CXCR5: variants seen among roughly 807,000 people sequenced by gnomAD.
CXCR5 encodes the protein C-X-C chemokine receptor type 5.
In CXCR5, 3 loss-of-function variants were observed where a neutral mutation model predicts 5.6. The observed-to-expected ratio is 0.54, with a 90% CI of 0.24 to 1.39. The LOEUF is 1.39. Ranked by LOEUF, CXCR5 falls within the 40% of genes most tolerant of loss-of-function variation. The pLI, the probability that CXCR5 is intolerant of heterozygous loss-of-function variation, is 0.16. For missense variants in CXCR5, 333 were observed against 494.6 expected (o/e 0.67, Z 3.10); for synonymous variants, 218 against 219.9 (o/e 0.99, Z 0.08).
chr11:118,884,146 A>T (rs1939673037), intron 1 of CXCR5, among the ~76,000 whole-genome samples, 154 bp downstream of exon 1: 1 of 152,042 alleles, frequency 6.6e-6, no homozygotes, highest in Non-Finnish European at 1.5e-5. Flanking sequence ...GCCCTTTAAG[A>T]GTTTATTTTC....
At position 118,894,304 on chromosome 11, in the gene CXCR5, C is replaced by T. The variant is rs369220984; in HGVS notation, c.760C>T (p.Arg254Trp). 8 of 1,614,102 alleles carry T rather than the reference C, an allele frequency of 5.0e-6. No homozygotes were observed. Among genetic ancestry groups the T allele is most frequent in the Admixed American group, 1.7e-5 (1 of 60,026 alleles). ...GCGCCAGGCCCAGCGGCGCCCTCAG[C>T]GGCAGAAGGCAGTCAGGGTGGCCAT... ...RLRQAQRRPQ[R>W]QKAVRVAILV... The change falls in exon 2 of 2, where the codon CGG becomes TGG. Residue 254 changes from arginine to tryptophan, a missense_variant. By Grantham distance (101) the Arg-to-Trp change is moderately radical. Coordinates refer to ENST00000292174, the MANE Select transcript of CXCR5 (RefSeq NM_001716.5). This position sits in a 1 kb window ranked among gnomAD's most constrained non-coding sequence, Gnocchi z 6.1.
rs374707658 is a variant in CXCR5, at chr11:118,894,557, C to T, written c.1013C>T (p.Thr338Met). 29 of 1,563,684 alleles carry T rather than the reference C, an allele frequency of 1.9e-5. No homozygotes were observed. The highest frequency in any genetic ancestry group is 1.7e-4 in the Middle Eastern group (1 of 5,818). ...KFRSDLSRLL[T>M]KLGCTGPASL... ...CGCAGTGACCTGTCGCGGCTCCTGA[C>T]GAAGCTGGGCTGTACCGGCCCTGCC... The change falls in exon 2 of 2, where the codon ACG becomes ATG. Residue 338 changes from threonine to methionine, a missense_variant. Coordinates refer to ENST00000292174, the MANE Select transcript of CXCR5 (RefSeq NM_001716.5). This position sits in a 1 kb window ranked among gnomAD's most constrained non-coding sequence, Gnocchi z 6.1.
Position 118,894,492 on chromosome 11 carries a change from C to T in CXCR5, c.948C>T (p.Cys316=). Residue 316 remains cysteine, a synonymous_variant, in exon 2 of 2, where the codon TGC becomes TGT. Transcript: ENST00000292174. The surrounding 1 kb of genome is among the most constrained non-coding windows in gnomAD (Gnocchi z 6.1). ...AGTTCCTGGGCCTGGCCCACTGCTGCCTCAACCCCATGCTCTACACTTTCG... is the reference window on the plus strand; with the variant it reads ...AGTTCCTGGGCCTGGCCCACTGCTGTCTCAACCCCATGCTCTACACTTTCG... ...MCEFLGLAHC[C]LNPMLYTFAG... 6.8e-6 allele frequency: 11 copies of T among 1,609,092 alleles called. No individual in the cohort carries two copies. Among genetic ancestry groups the T allele is most frequent in the Non-Finnish European group, 9.3e-6 (11 of 1,176,812 alleles).
At chr11:118,886,394 T>C (rs1377971397) in intron 1 of CXCR5, 20 of 431,830 alleles carry the variant, frequency 4.6e-5, no homozygotes, top group Non-Finnish European at 9.0e-5. Flanking sequence ...ATAAGCCAGG[T>C]TCGTCATTCT....
Position 118,894,129 on chromosome 11 carries a change from C to A in CXCR5, c.585C>A (p.His195Gln). 6.2e-7 allele frequency: 1 copy of A among 1,614,124 alleles called. No individual in the cohort carries two copies. Among genetic ancestry groups the A allele is most frequent in the Non-Finnish European group, 8.5e-7 (1 of 1,180,040 alleles). The change falls in exon 2 of 2, where the codon CAC (histidine) becomes CAA (glutamine). Residue 195 changes from histidine to glutamine, a missense_variant. His to Gln is a conservative substitution (Grantham distance 24). Transcript: ENST00000292174. This position sits in a 1 kb window ranked among gnomAD's most constrained non-coding sequence, Gnocchi z 6.1. ...ILFAKVSQGH[H>Q]NNSLPRCTFS... ...TCGCCAAAGTCAGCCAAGGCCATCA[C>A]AACAACTCCCTGCCACGTTGCACCT... is the stretch of plus-strand genomic sequence containing the variant.
rs1939929778 is a variant in CXCR5, at chr11:118,896,589, G to C, written c.*1926G>C. The C allele has an allele frequency of 6.5e-6, 1 of 152,966 alleles. No individual in the cohort carries two copies. The highest frequency in any genetic ancestry group is 2.1e-4 in the South Asian group (1 of 4,838). The allele number at this position is 152,966 out of a possible 1,614,324, so 9.5% of individuals were successfully genotyped here. A position where few individuals can be genotyped will look rare whatever the true frequency, so the allele number is the denominator to read the frequency against. ...CACAGAGGCCCTGGCCATGGACCCT[G>C]GGAGGTGACCGGGGTGAGTCAGGGG... On this transcript the variant is annotated 3_prime_UTR_variant, in exon 2 of 2. Coordinates refer to ENST00000292174, the MANE Select transcript of CXCR5 (RefSeq NM_001716.5).
At chr11:118,888,586 G>A (rs768604611) in intron 1 of CXCR5, among the ~76,000 whole-genome samples, 8 of 152,194 alleles carry the variant, frequency 5.3e-5, no homozygotes, top group Admixed American at 2.0e-4. Context: ...GTGGCCCTTC[G>A]GCTGGCCACG....
intron 1 of CXCR5, among the ~76,000 whole-genome samples, chr11:118,889,430 A>C (rs899036138): frequency 6.6e-6 from 1 of 152,210 alleles, no homozygotes; most frequent in African/African-American, 2.4e-5. Flanking sequence ...GCTCACGCAA[A>C]TGGTCTGCCC....
At chr11:118,890,207 G>C (rs1219539694) in intron 1 of CXCR5, among the ~76,000 whole-genome samples, 7 of 152,160 alleles carry the variant, frequency 4.6e-5, no homozygotes. Context: ...GAAGATTACG[G>C]AGTGAGTCCC....
chr11:118,887,299 G>C, intron 1 of CXCR5: 2 of 985,384 alleles, frequency 2.0e-6, no homozygotes, highest in Non-Finnish European at 2.4e-6. Context: ...AAGAGTGGTG[G>C]GGAAAAATAT....
At position 118,895,084 on chromosome 11, in the gene CXCR5, T is replaced by A. The variant is rs1939883070; in HGVS notation, c.*421T>A. 5.6e-6 allele frequency: 1 copy of A among 177,160 alleles called. No individual in the cohort carries two copies. The highest frequency in any genetic ancestry group is 2.4e-5 in the African/African-American group (1 of 41,848). 11.0% of individuals were successfully genotyped at this position (177,160 alleles called of 1,614,324 possible). On this transcript the variant is annotated 3_prime_UTR_variant, in exon 2 of 2. Coordinates refer to ENST00000292174, the MANE Select transcript of CXCR5 (RefSeq NM_001716.5). The surrounding 1 kb of genome is among the most constrained non-coding windows in gnomAD (Gnocchi z 4.2). ...GCTGACCTCCACAGCTTCCCCTCTC[T>A]CCTCCTGCCCACCTGTCAAACAAAG...
At chr11:118,886,478 C>A in intron 1 of CXCR5, 3 of 318,968 alleles carry the variant, frequency 9.4e-6, no homozygotes, top group East Asian at 9.1e-5. Flanking sequence ...AAGGCAGGGG[C>A]TGGGGGGTGG....
In CXCR5 at chr11:118,894,784, C is replaced by T; in HGVS notation, c.*121C>T. The T allele has an allele frequency of 1.0e-6, 1 of 967,316 alleles. No individual in the cohort carries two copies. Among genetic ancestry groups the T allele is most frequent in the Non-Finnish European group, 1.4e-6 (1 of 703,556 alleles). The allele number at this position is 967,316 out of a possible 1,614,324, so 59.9% of individuals were successfully genotyped here. ...TGGCTAAGAGTGTCCTAGGAGTATC[C>T]TCATTTGGGGTAGCTAGAGGAACCA... On this transcript the variant is annotated 3_prime_UTR_variant, in exon 2 of 2. Coordinates refer to ENST00000292174, the MANE Select transcript of CXCR5 (RefSeq NM_001716.5). The surrounding 1 kb of genome is among the most constrained non-coding windows in gnomAD (Gnocchi z 6.1).
intron 1 of CXCR5, among the ~76,000 whole-genome samples, chr11:118,888,697 A>G (rs1230620804): frequency 2.6e-5 from 4 of 152,202 alleles, no homozygotes; most frequent in Non-Finnish European, 5.9e-5. Context: ...CTGGACGGGT[A>G]ATGTTTTAAA....
At chr11:118,892,731 G>C (rs563001249) in intron 1 of CXCR5, among the ~76,000 whole-genome samples, 8 of 152,110 alleles carry the variant, frequency 5.3e-5, no homozygotes, top group Middle Eastern at 3.4e-3. Flanking sequence ...GAGACATCAC[G>C]GGCACACCCC....
rs1939679533 is a variant in CXCR5, at chr11:118,884,480, C to A, written c.51+488C>A. ...TGTGTTGGGTGGAGAAGTTGAGGAC[C>A]TGGTCTTTGCCCTCAAATAGCTTCT... On this transcript the variant is annotated intron_variant, in intron 1 of 1. Coordinates refer to ENST00000292174, the MANE Select transcript of CXCR5 (RefSeq NM_001716.5). Among the ~76,000 whole-genome samples, 4 of 152,262 alleles carry A rather than the reference C, an allele frequency of 2.6e-5. No homozygotes were observed. The South Asian group carries it at 8.3e-4, about 32-fold the overall frequency.
chr11:118,887,256 T>C, intron 1 of CXCR5: 1 of 985,392 alleles, frequency 1.0e-6, no homozygotes, highest in South Asian at 4.7e-5. Context: ...TATGTGGACC[T>C]AAGAATCAGG....
chr11:118,888,767 T>C (rs1939760570), intron 1 of CXCR5, among the ~76,000 whole-genome samples: 1 of 152,226 alleles, frequency 6.6e-6, no homozygotes, highest in South Asian at 2.1e-4. Flanking sequence ...GTTGGACCCA[T>C]GGTTCCAGCT....
intron 1 of CXCR5, chr11:118,886,330 G>C: frequency 2.3e-6 from 1 of 433,088 alleles, no homozygotes; most frequent in Non-Finnish European, 4.5e-6. Flanking sequence ...GGGCCTTTTG[G>C]TTACACAAAC....
Sources: gnomAD v4.1 joint callset for allele counts (sites outside exome capture counted in the v4.1 genomes callset) on GRCh38, gnomAD v4.1.1 for gene constraint, Gnocchi (gnomAD v3.1) non-coding constraint, MANE v1.5 for transcripts, NCBI Gene and HGNC (gene_info 2026-07-23, HGNC 2026-07-21) for gene names.